Variants in NTM observed in about 807,000 individuals in gnomAD.
The protein encoded by NTM is IgLON family member 2.
In NTM, 13 loss-of-function variants were observed where a neutral mutation model predicts 42.1. The ratio of observed to expected loss-of-function variants is 0.31; its 90% CI spans 0.20 to 0.49. The LOEUF (loss-of-function observed/expected upper bound fraction) is 0.49. NTM is among the 20% of genes least tolerant of loss of function. The pLI is 0.99. For missense variants in NTM, 373 were observed against 452.8 expected, an observed-to-expected ratio of 0.82 and a Z score of 1.60; for synonymous variants, 187 against 179.2, an observed-to-expected ratio of 1.04 and a Z score of -0.35.
intron 2 of NTM, among the ~76,000 whole-genome samples, chr11:132,061,381 T>G: frequency 6.6e-6 from 1 of 152,354 alleles, no homozygotes; most frequent in Non-Finnish European, 1.5e-5. Flanking sequence ...ATTGCAATTA[T>G]AAAGGTCCCT....
At chr11:131,694,588 G>A (rs528831244) in intron 1 of NTM, among the ~76,000 whole-genome samples, 13 of 152,260 alleles carry the variant, frequency 8.5e-5, no homozygotes, top group African/African-American at 1.2e-4. Context: ...GGGAAAGGGC[G>A]TGCAAGGCTG....
In NTM at chr11:131,919,109, C is replaced by T. The variant is rs564368428; in HGVS notation, c.167+7461C>T. Reference sequence around the variant, plus strand: ...GGAACAAGAGGGACCAGCTCCAAAACGCTTCCTTTTTTTTTTTTTAAATTA... The same window carrying T: ...GGAACAAGAGGGACCAGCTCCAAAATGCTTCCTTTTTTTTTTTTTAAATTA... On this transcript the variant is annotated intron_variant, in intron 2 of 8. Transcript: ENST00000683400. Among the ~76,000 whole-genome samples the T allele has an allele frequency of 1.3e-4, 12 of 92,556 alleles. No homozygotes were observed. In the South Asian group the frequency reaches 2.7e-3, roughly 21 times the overall value. 60.7% of individuals were successfully genotyped at this position (92,556 alleles called of 152,430 possible). A position where few individuals can be genotyped will look rare whatever the true frequency, so the allele number is the denominator to read the frequency against.
chr11:131,985,932 T>G (rs1009209726), intron 2 of NTM, among the ~76,000 whole-genome samples: 1 of 152,214 alleles, frequency 6.6e-6, no homozygotes, highest in Non-Finnish European at 1.5e-5. Context: ...GTGTTTGCTC[T>G]GTTCACCTCC....
At chr11:131,625,131 A>C (rs1206127136) in intron 1 of NTM, among the ~76,000 whole-genome samples, 1 of 152,136 alleles carries the variant, frequency 6.6e-6, no homozygotes, top group Non-Finnish European at 1.5e-5. Flanking sequence ...ACAGAAATCA[A>C]CCTTGTAGAG....
chr11:132,274,673 G>C (rs1429341809), intron 4 of NTM, among the ~76,000 whole-genome samples: 1 of 152,090 alleles, frequency 6.6e-6, no homozygotes, highest in South Asian at 2.1e-4. Flanking sequence ...ATTGGAACTT[G>C]CTTTATAGCC....
chr11:131,691,455 G>T (rs1373836058), intron 1 of NTM, among the ~76,000 whole-genome samples: 1 of 152,238 alleles, frequency 6.6e-6, no homozygotes, highest in Non-Finnish European at 1.5e-5. Flanking sequence ...GCCGAGAGCC[G>T]CGGGGCGTGG....
At position 131,555,574 on chromosome 11, in the gene NTM, T is replaced by C. The variant is rs80199393; in HGVS notation, c.82+184686T>C. On this transcript the variant is annotated intron_variant, in intron 1 of 8. Transcript: ENST00000683400. ...TGGCATACCCAATGACAGGTAGATT[T>C]GGAGTAAGTAAAATATGGAGCAGTC... is the stretch of plus-strand genomic sequence containing the variant. 7.1e-3 allele frequency among the ~76,000 whole-genome samples: 1,084 copies of C among 152,286 alleles called. 13 individuals carry two copies. The highest frequency in any genetic ancestry group is 0.025 in the African/African-American group (1,042 of 41,552).
chr11:131,441,249 TG>T (rs1949603572), intron 1 of NTM, among the ~76,000 whole-genome samples: 1 of 152,224 alleles, frequency 6.6e-6, no homozygotes, highest in African/African-American at 2.4e-5. Flanking sequence ...AGACCGTGAA[TG>T]TGCCATTATC....
In NTM at chr11:132,336,814, C is replaced by G. The variant is rs2095875964; in HGVS notation, c.*1668C>G. On this transcript the variant is annotated 3_prime_UTR_variant, in exon 9 of 9. Coordinates refer to ENST00000683400, the MANE Select transcript of NTM (RefSeq NM_001352005.2). The stretch of plus-strand genomic sequence containing the variant: ...CTTGACATTAAAAAGTGTTCCATGT[C>G]CCTCTTCACCTGGTGTGGTACCTCA... 1 of 152,088 alleles carries G rather than the reference C, an allele frequency of 6.6e-6. No homozygotes were observed. The highest frequency in any genetic ancestry group is 2.4e-5 in the African/African-American group (1 of 41,364). The allele number at this position is 152,088 out of a possible 1,614,324, so 9.4% of individuals were successfully genotyped here.
chr11:132,298,034 C>T (rs1028252852), intron 4 of NTM, among the ~76,000 whole-genome samples: 3 of 152,208 alleles, frequency 2.0e-5, no homozygotes, highest in African/African-American at 4.8e-5. Flanking sequence ...GTGAAGGTGA[C>T]TTCTTATCTG....
intron 1 of NTM, among the ~76,000 whole-genome samples, chr11:131,888,328 C>G: frequency 6.6e-6 from 1 of 152,072 alleles, no homozygotes; most frequent in Non-Finnish European, 1.5e-5. Context: ...ATGAATGAGA[C>G]CATGGATACC....
chr11:132,025,984 GC>G (rs2075120671), intron 2 of NTM, among the ~76,000 whole-genome samples: 1 of 152,064 alleles, frequency 6.6e-6, no homozygotes, highest in Non-Finnish European at 1.5e-5. Context: ...TCATCACGTG[GC>G]CCTGAGTAAG....
intron 3 of NTM, among the ~76,000 whole-genome samples, chr11:132,147,838 T>C (rs1408182907): frequency 6.6e-6 from 1 of 151,940 alleles, no homozygotes; most frequent in African/African-American, 2.4e-5. Context: ...AGAGACAGAA[T>C]AGGAAGGAAG....
intron 1 of NTM, among the ~76,000 whole-genome samples, chr11:131,818,879 C>T (rs73579953): frequency 0.13 from 19,638 of 152,096 alleles, 1,956 homozygotes; most frequent in African/African-American, 0.28. Context: ...ATGCAGTACA[C>T]GGAAAAGGAA....
At position 132,109,012 on chromosome 11, in the gene NTM, T is replaced by C. The variant is rs140755717; in HGVS notation, c.168-37270T>C. On this transcript the variant is annotated intron_variant, in intron 2 of 8. Transcript: ENST00000683400. Reference sequence around the variant, plus strand: ...GAATGATGGTTTCCAGCTTCATCCATATTTCTCCAAAGGACATGAACTCAT... The same window carrying C: ...GAATGATGGTTTCCAGCTTCATCCACATTTCTCCAAAGGACATGAACTCAT... 5.6e-4 allele frequency among the ~76,000 whole-genome samples: 86 copies of C among 152,340 alleles called. No individual in the cohort carries two copies. In the East Asian group the frequency reaches 8.7e-3, roughly 15 times the overall value.
At chr11:132,224,707 G>A (rs1345135739) in intron 4 of NTM, among the ~76,000 whole-genome samples, 2 of 152,208 alleles carry the variant, frequency 1.3e-5, no homozygotes, top group Non-Finnish European at 2.9e-5. Flanking sequence ...CTTCAGGAAG[G>A]CAGTAAAAGG....
At chr11:131,781,052 TC>T (rs554853527) in intron 1 of NTM, among the ~76,000 whole-genome samples, 1 of 152,112 alleles carries the variant, frequency 6.6e-6, no homozygotes, top group Non-Finnish European at 1.5e-5. Context: ...TACATAATTT[TC>T]ATAAAGGCAA....
chr11:131,645,856 G>T (rs1393180997), intron 1 of NTM, among the ~76,000 whole-genome samples: 1 of 152,184 alleles, frequency 6.6e-6, no homozygotes, highest in Non-Finnish European at 1.5e-5. Context: ...TGTTGGGGTT[G>T]AATCAAGATC....
intron 1 of NTM, among the ~76,000 whole-genome samples, chr11:131,615,249 C>T (rs2061810447): frequency 6.6e-6 from 1 of 152,156 alleles, no homozygotes; most frequent in Non-Finnish European, 1.5e-5. Flanking sequence ...GCCTCAGATT[C>T]CTCTGTGGCA....
Sources: allele counts gnomAD v4.1 joint callset (sites outside exome capture counted in the v4.1 genomes callset), GRCh38; gene constraint gnomAD v4.1.1; transcripts MANE v1.5; gene names NCBI Gene and HGNC (gene_info 2026-07-23, HGNC 2026-07-21).